Variants in SEMA3E observed in about 807,000 individuals in gnomAD.
SEMA3E encodes the protein semaphorin-3E.
A neutral mutation model predicts 93.6 loss-of-function variants in SEMA3E; 49 were observed. The observed-to-expected ratio is 0.52, with a 90% CI of 0.42 to 0.66. The LOEUF (loss-of-function observed/expected upper bound fraction) is 0.66. Among genes scored for constraint, SEMA3E ranks in the 30% least tolerant of loss-of-function variants. The probability of loss-of-function intolerance (pLI) is 0.00; values close to 1 mark genes in which losing one functional copy is unlikely to be tolerated. For synonymous variants in SEMA3E, 363 were observed against 330.7 expected (o/e 1.10, Z -1.06); for missense variants, 906 against 964.8 (o/e 0.94, Z 0.81).
At chr7:83,580,247 CCT>C (rs1246679132) in intron 1 of SEMA3E, among the ~76,000 whole-genome samples, 3 of 151,896 alleles carry the variant, frequency 2.0e-5, no homozygotes, top group African/African-American at 7.2e-5. Flanking sequence ...GTTTGGATTG[CCT>C]GTAAGTTATT....
At chr7:83,502,497 C>T (rs1419999037) in intron 1 of SEMA3E, among the ~76,000 whole-genome samples, 1 of 152,054 alleles carries the variant, frequency 6.6e-6, no homozygotes, top group African/African-American at 2.4e-5. Flanking sequence ...GTCTGCCACC[C>T]ACCTCCTTCT....
chr7:83,598,565 T>C (rs995279282), intron 1 of SEMA3E, among the ~76,000 whole-genome samples: 4 of 152,140 alleles, frequency 2.6e-5, no homozygotes, highest in African/African-American at 9.7e-5. Flanking sequence ...CAATGGTGAG[T>C]CGATGCTATT....
chr7:83,480,745 C>G (rs1170110154), intron 2 of SEMA3E, among the ~76,000 whole-genome samples: 1 of 151,914 alleles, frequency 6.6e-6, no homozygotes, highest in African/African-American at 2.4e-5. Flanking sequence ...TTAAATTTTA[C>G]CAGCAACTGA....
chr7:83,520,279 T>A (rs542123855), intron 1 of SEMA3E, among the ~76,000 whole-genome samples: 6 of 152,092 alleles, frequency 3.9e-5, no homozygotes, highest in Non-Finnish European at 8.8e-5. Context: ...GATTGGGGAA[T>A]CTCAAGAATG....
chr7:83,389,550 C>G (rs369180492), intron 14 of SEMA3E, among the ~76,000 whole-genome samples: 2 of 151,974 alleles, frequency 1.3e-5, no homozygotes, highest in South Asian at 2.1e-4. Flanking sequence ...TTTATACTAT[C>G]CCCGTATAGT....
At chr7:83,393,700 A>G (rs1015640308) in intron 13 of SEMA3E, among the ~76,000 whole-genome samples, 3 of 152,160 alleles carry the variant, frequency 2.0e-5, no homozygotes, top group African/African-American at 7.2e-5. Context: ...CTGAACATGA[A>G]GGATTATTTA....
intron 9 of SEMA3E, 74 bp downstream of exon 9, chr7:83,405,376 T>C (rs1788307279): frequency 9.4e-7 from 1 of 1,062,018 alleles, no homozygotes; most frequent in Non-Finnish European, 1.5e-6. Context: ...TCAACTTATA[T>C]ACACCATGAA....
chr7:83,563,618 CA>C (rs1792081168), intron 1 of SEMA3E, among the ~76,000 whole-genome samples: 1 of 152,150 alleles, frequency 6.6e-6, no homozygotes, highest in African/African-American at 2.4e-5. Flanking sequence ...TGATGCATGC[CA>C]AAGGTGAGAG....
intron 1 of SEMA3E, among the ~76,000 whole-genome samples, chr7:83,520,160 C>A (rs1791014899): frequency 6.6e-6 from 1 of 152,132 alleles, no homozygotes. Context: ...CGATTCTGCA[C>A]CACAGATCTT....
At chr7:83,641,573 A>G (rs573792254) in intron 1 of SEMA3E, 20 of 156,476 alleles carry the variant, frequency 1.3e-4, no homozygotes, top group African/African-American at 1.7e-4. Context: ...TAAAATTCCA[A>G]CTTTCCTTAA....
intron 16 of SEMA3E, among the ~76,000 whole-genome samples, chr7:83,369,663 A>G (rs1465408596): frequency 2.0e-5 from 3 of 152,174 alleles, no homozygotes; most frequent in Non-Finnish European, 2.9e-5. Context: ...GGAACCAAGA[A>G]GACCCTCAAA....
In SEMA3E at chr7:83,386,971, T is replaced by C. The variant is rs1004365462; in HGVS notation, c.1735+12A>G. The C allele has an allele frequency of 3.1e-6, 5 of 1,611,782 alleles. No individual in the cohort carries two copies. The African/African-American group carries it at 6.7e-5, about 22-fold the overall frequency. ...CTGAGTAACCCAGAACAACTGATTT[T>C]CTATGGATTACCAACAAACTGTTGT... On this transcript the variant is annotated intron_variant, in intron 15 of 16. Coordinates refer to ENST00000643230, the MANE Select transcript of SEMA3E (RefSeq NM_012431.3).
At chr7:83,457,186 AGAGT>A (rs1789502468) in intron 4 of SEMA3E, among the ~76,000 whole-genome samples, 1 of 152,120 alleles carries the variant, frequency 6.6e-6, no homozygotes, top group Admixed American at 6.5e-5. Flanking sequence ...TGGGAAAGTG[AGAGT>A]GAGAAAAGAA....
chr7:83,414,057 G>A (rs1309092855), intron 5 of SEMA3E, among the ~76,000 whole-genome samples: 1 of 152,112 alleles, frequency 6.6e-6, no homozygotes, highest in Non-Finnish European at 1.5e-5. Context: ...TCTGCCAAGT[G>A]AGAGAGAGAG....
At chr7:83,449,224 T>C (rs1789302010) in intron 4 of SEMA3E, among the ~76,000 whole-genome samples, 1 of 151,756 alleles carries the variant, frequency 6.6e-6, no homozygotes, top group South Asian at 2.1e-4. Flanking sequence ...CTCAGCCTCC[T>C]GAGTAGCTAG....
rs1340617529 is a variant in SEMA3E at position 83,644,597 on chromosome 7, C to T, written c.115+3831G>A. Among the ~76,000 whole-genome samples, 4 of 151,860 alleles carry T rather than the reference C, an allele frequency of 2.6e-5. No individual in the cohort carries two copies. In the East Asian group the frequency reaches 5.8e-4, roughly 22 times the overall value. On this transcript the variant is annotated intron_variant, in intron 1 of 16. Transcript: ENST00000643230. ...ATGTACAGGCAAATTACCATTACTACCCCTATTTTCAAATAGAGGAAACTG... is the reference window on the plus strand; with the variant it reads ...ATGTACAGGCAAATTACCATTACTATCCCTATTTTCAAATAGAGGAAACTG...
intron 1 of SEMA3E, among the ~76,000 whole-genome samples, chr7:83,524,035 A>C (rs1791103959): frequency 6.6e-6 from 1 of 152,156 alleles, no homozygotes; most frequent in Admixed American, 6.6e-5. Flanking sequence ...CTTATGTATT[A>C]ATTTAAATAT....
chr7:83,620,000 A>G (rs1793517997), intron 1 of SEMA3E, among the ~76,000 whole-genome samples: 2 of 151,890 alleles, frequency 1.3e-5, no homozygotes, highest in African/African-American at 4.8e-5. Context: ...CCTGACATTT[A>G]GTAGGTAATC....
chr7:83,489,835 T>C (rs546395515), intron 2 of SEMA3E, among the ~76,000 whole-genome samples: 7 of 152,060 alleles, frequency 4.6e-5, no homozygotes, highest in Non-Finnish European at 7.4e-5. Context: ...TCTCAGGACA[T>C]TGGGTGTGGT....
Sources: gnomAD v4.1 joint callset for allele counts (sites outside exome capture counted in the v4.1 genomes callset) on GRCh38, gnomAD v4.1.1 for gene constraint, MANE v1.5 for transcripts, NCBI Gene and HGNC (gene_info 2026-07-23, HGNC 2026-07-21) for gene names.